The following SMIM8 variants were observed in gnomAD, a reference collection of about 807,000 sequenced individuals.
The protein encoded by SMIM8 is UPF0708 protein C6orf162.
Under a neutral mutation model 8.1 loss-of-function variants are expected in SMIM8, and 8 were observed. The ratio of observed to expected loss-of-function variants is 0.99; its 90% CI spans 0.58 to 1.78. SMIM8 has a LOEUF of 1.78. Among genes scored for constraint, SMIM8 ranks in the 40% most tolerant of loss-of-function variants. SMIM8 has a pLI of 0.00. For missense variants in SMIM8, 126 were observed against 119.8 expected, an observed-to-expected ratio of 1.05 and a Z score of -0.24; for synonymous variants, 45 against 39.7, an observed-to-expected ratio of 1.13 and a Z score of -0.50.
intron 2 of SMIM8, among the ~76,000 whole-genome samples, chr6:87,333,966 T>C (rs1474217966): frequency 2.0e-5 from 3 of 152,204 alleles, no homozygotes; most frequent in Admixed American, 1.3e-4. Context: ...CATCTGCCCC[T>C]GGTGAGGGCT....
intron 3 of SMIM8, 79 bp from the exon 4 acceptor site, chr6:87,340,037 G>C (rs1291955525): frequency 2.6e-6 from 3 of 1,168,336 alleles, no homozygotes; most frequent in African/African-American, 3.2e-5. Flanking sequence ...GGCATGTCAG[G>C]AGGAAAGTGC....
chr6:87,330,807 T>C (rs908615890), intron 2 of SMIM8, 95 bp downstream of exon 2: 1 of 151,660 alleles, frequency 6.6e-6, no homozygotes, highest in African/African-American at 2.4e-5. Flanking sequence ...TACTCTCCTC[T>C]ATTTTTTTTT....
At chr6:87,333,276 G>A (rs1388652919) in intron 2 of SMIM8, among the ~76,000 whole-genome samples, 4 of 152,132 alleles carry the variant, frequency 2.6e-5, no homozygotes, top group Admixed American at 1.3e-4. Flanking sequence ...CACGCTCCCC[G>A]AGGAAGGGTA....
intron 2 of SMIM8, among the ~76,000 whole-genome samples, chr6:87,332,344 A>ATATAT (rs1490339070): frequency 7.0e-6 from 1 of 143,330 alleles, no homozygotes; most frequent in African/African-American, 2.7e-5. Context: ...TATATATATA[A>ATATAT]ATGACAGCAG....
At position 87,341,516 on chromosome 6, in the gene SMIM8, A is replaced by T; in HGVS notation, c.*1242A>T. The T allele has an allele frequency of 2.6e-6, 1 of 380,974 alleles. No homozygotes were observed. The highest frequency in any genetic ancestry group is 1.5e-4 in the South Asian group (1 of 6,868). The allele number at this position is 380,974 out of a possible 1,614,324, so 23.6% of individuals were successfully genotyped here. A position where few individuals can be genotyped will look rare whatever the true frequency, so the allele number is the denominator to read the frequency against. On this transcript the variant is annotated 3_prime_UTR_variant, in exon 4 of 4. Coordinates refer to ENST00000392863, the MANE Select transcript of SMIM8 (RefSeq NM_001042493.3). ...AGATATATACCTAATTCTCCAAATC[A>T]TTGTCATTGGGCCTCAGTAGTAAAT...
Position 87,332,999 on chromosome 6 carries a change from A to G in SMIM8, c.-24+2287A>G, listed in dbSNP as rs140964245. Among the ~76,000 whole-genome samples, 7 of 152,278 alleles carry G rather than the reference A, an allele frequency of 4.6e-5. No homozygotes were observed. In the East Asian group the frequency reaches 5.8e-4, roughly 13 times the overall value. ...CCTATCTTAGCCCATTTGTGTTGCT[A>G]TAAAGGAATACTGAGGCTGGGCAAT... On this transcript the variant is annotated intron_variant, in intron 2 of 3. Coordinates refer to ENST00000392863, the MANE Select transcript of SMIM8 (RefSeq NM_001042493.3).
At chr6:87,328,617 C>G (rs1319814928) in intron 1 of SMIM8, among the ~76,000 whole-genome samples, 6 of 152,202 alleles carry the variant, frequency 3.9e-5, no homozygotes, top group Non-Finnish European at 7.3e-5. Flanking sequence ...GTTCTCAGAT[C>G]TCCAGCTGCG....
At chr6:87,327,586 ACTCTCTT>A (rs1776860085) in intron 1 of SMIM8, among the ~76,000 whole-genome samples, 1 of 149,798 alleles carries the variant, frequency 6.7e-6, no homozygotes, top group South Asian at 2.1e-4. Flanking sequence ...ATTGGCCCCC[ACTCTCTT>A]CTGGCTTGTA....
intron 2 of SMIM8, among the ~76,000 whole-genome samples, chr6:87,332,066 T>C (rs1022317544): frequency 2.0e-5 from 3 of 152,078 alleles, no homozygotes; most frequent in African/African-American, 7.2e-5. Context: ...CTGATTATTT[T>C]ATTGATTCAT....
rs1052344782 is a variant in SMIM8, at chr6:87,339,645, T to G, written c.136-471T>G. 3.3e-5 allele frequency among the ~76,000 whole-genome samples: 5 copies of G among 152,262 alleles called. No homozygotes were observed. In the South Asian group the frequency reaches 1.0e-3, roughly 32 times the overall value. ...TATTATATAAAAGGTTTTTTGCCAG[T>G]TATTCATGACTTGGGCAAGAAGAAT... On this transcript the variant is annotated intron_variant, in intron 3 of 3. Transcript: ENST00000392863.
intron 2 of SMIM8, among the ~76,000 whole-genome samples, chr6:87,335,312 G>T (rs1777082067): frequency 6.6e-6 from 1 of 152,186 alleles, no homozygotes; most frequent in Admixed American, 6.5e-5. Flanking sequence ...TGTGGCTACA[G>T]ATAGCAATTT....
Position 87,340,969 on chromosome 6 carries a change from G to T in SMIM8, c.*695G>T. ...AAAAAAAAAAAGTATGTTTTACTGA[G>T]GTATGATGATTTTGACTACAACTAA... On this transcript the variant is annotated 3_prime_UTR_variant, in exon 4 of 4. Coordinates refer to ENST00000392863, the MANE Select transcript of SMIM8 (RefSeq NM_001042493.3). 4.2e-6 allele frequency: 1 copy of T among 235,400 alleles called. No homozygotes were observed. The highest frequency in any genetic ancestry group is 8.1e-6 in the Non-Finnish European group (1 of 124,014). The allele number at this position is 235,400 out of a possible 1,614,324, so 14.6% of individuals were successfully genotyped here.
Position 87,340,395 on chromosome 6 carries a change from G to T in SMIM8, c.*121G>T. The T allele has an allele frequency of 9.7e-7, 1 of 1,026,850 alleles. No individual in the cohort carries two copies. The allele number at this position is 1,026,850 out of a possible 1,614,324, so 63.6% of individuals were successfully genotyped here. ...AACATGCTAATGAAGAGAGAAGATA[G>T]CAGTTGCAACCAGACAACTGTCGTA... On this transcript the variant is annotated 3_prime_UTR_variant, in exon 4 of 4. Transcript: ENST00000392863.
At chr6:87,324,771 A>G (rs181303100) in intron 1 of SMIM8, among the ~76,000 whole-genome samples, 17 of 152,248 alleles carry the variant, frequency 1.1e-4, no homozygotes, top group African/African-American at 3.4e-4. Context: ...TTGGTTCCAT[A>G]TGAACTTTAA....
intron 2 of SMIM8, among the ~76,000 whole-genome samples, chr6:87,335,504 A>C (rs1777095119): frequency 6.6e-6 from 1 of 152,112 alleles, no homozygotes; most frequent in Non-Finnish European, 1.5e-5. Flanking sequence ...CAAGTATAGA[A>C]AGTGCTTAGA....
chr6:87,336,467 C>T (rs1359926441), intron 2 of SMIM8, among the ~76,000 whole-genome samples: 1 of 152,132 alleles, frequency 6.6e-6, no homozygotes, highest in African/African-American at 2.4e-5. Context: ...ACAAACAGCT[C>T]CTTATCCTTA....
intron 1 of SMIM8, among the ~76,000 whole-genome samples, chr6:87,328,283 C>T (rs1236852810): frequency 7.4e-6 from 1 of 135,502 alleles, no homozygotes; most frequent in Non-Finnish European, 1.7e-5. Flanking sequence ...AACTTTGTTC[C>T]GTTGCTCGTG....
chr6:87,328,900 C>T (rs1001260568), intron 1 of SMIM8, among the ~76,000 whole-genome samples: 17 of 152,180 alleles, frequency 1.1e-4, no homozygotes, highest in African/African-American at 4.1e-4. Context: ...TAGCAATCAG[C>T]CAGACTCCGT....
At chr6:87,325,602 C>T (rs1288078784) in intron 1 of SMIM8, among the ~76,000 whole-genome samples, 1 of 150,870 alleles carries the variant, frequency 6.6e-6, no homozygotes, top group Non-Finnish European at 1.5e-5. Context: ...AGCCTTGCAT[C>T]CCAGGGATGA....
Sources: gnomAD v4.1 joint callset for allele counts (sites outside exome capture counted in the v4.1 genomes callset) on GRCh38, gnomAD v4.1.1 for gene constraint, MANE v1.5 for transcripts, NCBI Gene and HGNC (gene_info 2026-07-23, HGNC 2026-07-21) for gene names.